The following DRC11 variants were observed in gnomAD, a reference collection of about 807,000 sequenced individuals.
DRC11 encodes the protein dynein regulatory complex subunit 11, also known as IQ and AAA domain-containing protein 1.
the DRC11 span, among the ~76,000 whole-genome samples, chr2:236,360,321 T>C: frequency 1.3e-5 from 2 of 152,160 alleles, no homozygotes; most frequent in Non-Finnish European, 1.5e-5. This position sits in a 1 kb window ranked among gnomAD's most constrained non-coding sequence, Gnocchi z 5.8. Flanking sequence ...AACAGTAAAA[T>C]GGGTATAATG....
chr2:236,402,080 G>T, the DRC11 span, among the ~76,000 whole-genome samples: 3 of 152,232 alleles, frequency 2.0e-5, no homozygotes, highest in Non-Finnish European at 4.4e-5. The surrounding 1 kb of genome is among the most constrained non-coding windows in gnomAD (Gnocchi z 6.0). Context: ...GCCCCAGGTG[G>T]CTGGGAAAGC....
chr2:236,433,659 C>T, the DRC11 span, among the ~76,000 whole-genome samples: 38 of 151,996 alleles, frequency 2.5e-4, no homozygotes, highest in African/African-American at 9.2e-4. Context: ...TGCTTTTTTG[C>T]TCTTTAGTTT....
At chr2:236,440,011 T>C in the DRC11 span, among the ~76,000 whole-genome samples, 8 of 152,212 alleles carry the variant, frequency 5.3e-5, no homozygotes, top group African/African-American at 1.7e-4. Context: ...TATAATCTCA[T>C]GGAGAAGATA....
chr2:236,419,971 G>A, the DRC11 span, among the ~76,000 whole-genome samples: 3 of 152,152 alleles, frequency 2.0e-5, no homozygotes, highest in Non-Finnish European at 2.9e-5. This position sits in a 1 kb window ranked among gnomAD's most constrained non-coding sequence, Gnocchi z 4.8. Context: ...GACAGGACAC[G>A]CTTCCTGTTT....
At chr2:236,411,993 A>T in the DRC11 span, among the ~76,000 whole-genome samples, 1 of 151,826 alleles carries the variant, frequency 6.6e-6, no homozygotes, top group African/African-American at 2.4e-5. Context: ...ACATGTATAC[A>T]TATGTAACTA....
At chr2:236,336,615 T>TATCACCCGCCTCCTCAGCGTCACCCC in the DRC11 span, among the ~76,000 whole-genome samples, 1 of 152,030 alleles carries the variant, frequency 6.6e-6, no homozygotes, top group South Asian at 2.1e-4. The surrounding 1 kb of genome is among the most constrained non-coding windows in gnomAD (Gnocchi z 7.3). Flanking sequence ...ACAGTCACCC[T>TATCACCCGCCTCCTCAGCGTCACCCC]ATCTCCCGCC....
At chr2:236,423,443 T>C in the DRC11 span, among the ~76,000 whole-genome samples, 1 of 151,922 alleles carries the variant, frequency 6.6e-6, no homozygotes, top group Non-Finnish European at 1.5e-5. Flanking sequence ...AAACGACACA[T>C]GAAAACATGC....
the DRC11 span, among the ~76,000 whole-genome samples, chr2:236,457,293 C>T: frequency 1.3e-5 from 2 of 152,262 alleles, no homozygotes; most frequent in Non-Finnish European, 2.9e-5. The surrounding 1 kb of genome is among the most constrained non-coding windows in gnomAD (Gnocchi z 4.7). Flanking sequence ...TCAGTCACCC[C>T]AGCCACCTTT....
the DRC11 span, chr2:236,493,995 T>C: frequency 1.1e-6 from 1 of 914,568 alleles, no homozygotes; most frequent in Non-Finnish European, 1.5e-6. Flanking sequence ...CTTGCTTTAC[T>C]TCCCATTTTC....
chr2:236,398,104 G>A, the DRC11 span, among the ~76,000 whole-genome samples: 2 of 152,184 alleles, frequency 1.3e-5, no homozygotes, highest in African/African-American at 2.4e-5. The surrounding 1 kb of genome is among the most constrained non-coding windows in gnomAD (Gnocchi z 6.2). Flanking sequence ...CAGTTGTTGT[G>A]AATATTAAAT....
At chr2:236,459,356 T>A in the DRC11 span, among the ~76,000 whole-genome samples, 1 of 151,838 alleles carries the variant, frequency 6.6e-6, no homozygotes, top group East Asian at 1.9e-4. Flanking sequence ...AGTGCATCCA[T>A]GCAATCGAAA....
At chr2:236,337,169 T>C in the DRC11 span, among the ~76,000 whole-genome samples, 2 of 152,184 alleles carry the variant, frequency 1.3e-5, no homozygotes, top group Admixed American at 6.5e-5. The surrounding 1 kb of genome is among the most constrained non-coding windows in gnomAD (Gnocchi z 4.9). Context: ...TCAACTTTCA[T>C]GTGACTCTCA....
chr2:236,394,908 T>C, the DRC11 span, among the ~76,000 whole-genome samples: 2 of 152,100 alleles, frequency 1.3e-5, no homozygotes, highest in Admixed American at 6.5e-5. The surrounding 1 kb of genome is among the most constrained non-coding windows in gnomAD (Gnocchi z 7.0). Flanking sequence ...CACAGAGATA[T>C]GGAGGACCAG....
the DRC11 span, chr2:236,497,187 G>T: frequency 6.2e-7 from 1 of 1,611,592 alleles, no homozygotes; most frequent in Non-Finnish European, 8.5e-7. This position sits in a 1 kb window ranked among gnomAD's most constrained non-coding sequence, Gnocchi z 5.1. Context: ...GATCCTGCAG[G>T]ATATCATCGA....
chr2:236,341,301 C>T, the DRC11 span, among the ~76,000 whole-genome samples: 1 of 152,214 alleles, frequency 6.6e-6, no homozygotes, highest in African/African-American at 2.4e-5. Flanking sequence ...CCGCCTTCAC[C>T]TCAGATACAA....
At chr2:236,446,240 G>A in the DRC11 span, among the ~76,000 whole-genome samples, 1 of 152,180 alleles carries the variant, frequency 6.6e-6, no homozygotes, top group Non-Finnish European at 1.5e-5. This position sits in a 1 kb window ranked among gnomAD's most constrained non-coding sequence, Gnocchi z 6.2. Flanking sequence ...GCTGCGAGGT[G>A]ATGAGTGCTT....
the DRC11 span, among the ~76,000 whole-genome samples, chr2:236,472,472 G>C: frequency 2.2e-4 from 34 of 152,326 alleles, no homozygotes; most frequent in African/African-American, 7.9e-4. The surrounding 1 kb of genome is among the most constrained non-coding windows in gnomAD (Gnocchi z 4.6). Context: ...ACGTTTTATA[G>C]TTGAAACTCA....
At chr2:236,491,238 T>TAC in the DRC11 span, among the ~76,000 whole-genome samples, 1 of 65,168 alleles carries the variant, frequency 1.5e-5, no homozygotes, top group Non-Finnish European at 3.1e-5. Flanking sequence ...TATATATATA[T>TAC]ATACACAGTA....
the DRC11 span, among the ~76,000 whole-genome samples, chr2:236,321,186 C>G: frequency 1.3e-5 from 2 of 151,812 alleles, no homozygotes; most frequent in African/African-American, 4.8e-5. Context: ...TATATACCCA[C>G]GAAGACTATG....
Sources: allele counts gnomAD v4.1 joint callset (sites outside exome capture counted in the v4.1 genomes callset), GRCh38; gene constraint gnomAD v4.1.1; non-coding constraint Gnocchi (gnomAD v3.1); transcripts MANE v1.5; gene names NCBI Gene and HGNC (gene_info 2026-07-23, HGNC 2026-07-21).